Variants in CMIP observed in about 807,000 individuals in gnomAD.
CMIP encodes the protein c-Maf inducing protein.
Under a neutral mutation model 97.3 loss-of-function variants are expected in CMIP, and 13 were observed. The observed-to-expected ratio is 0.13, with a 90% CI of 0.09 to 0.21. The LOEUF (loss-of-function observed/expected upper bound fraction) is 0.21, where lower values mean the gene tolerates loss of function less well. Ranked by LOEUF, CMIP falls within the 10% of genes least tolerant of loss-of-function variation. CMIP has a pLI of 1.00. For missense variants in CMIP, 847 were observed against 1,024.9 expected, an observed-to-expected ratio of 0.83 and a Z score of 2.37; for synonymous variants, 538 against 436.3, an observed-to-expected ratio of 1.23 and a Z score of -2.91.
chr16:81,656,777 A>G (rs2092487339), intron 4 of CMIP, among the ~76,000 whole-genome samples: 1 of 152,158 alleles, frequency 6.6e-6, no homozygotes, highest in Non-Finnish European at 1.5e-5. Flanking sequence ...AGCGAGTACC[A>G]TGCCCAGATA....
chr16:81,524,495 T>C (rs1478981951), intron 1 of CMIP, among the ~76,000 whole-genome samples: 1 of 152,248 alleles, frequency 6.6e-6, no homozygotes, highest in Non-Finnish European at 1.5e-5. Flanking sequence ...CGTGGGGTTA[T>C]CTGGAAGTCT....
chr16:81,558,553 A>T (rs2090814446), intron 1 of CMIP, among the ~76,000 whole-genome samples: 1 of 152,228 alleles, frequency 6.6e-6, no homozygotes, highest in South Asian at 2.1e-4. Context: ...CACCGCAGAG[A>T]TGACCTAGCC....
At chr16:81,650,843 GT>G (rs2092419925) in intron 3 of CMIP, among the ~76,000 whole-genome samples, 1 of 152,146 alleles carries the variant, frequency 6.6e-6, no homozygotes, top group Non-Finnish European at 1.5e-5. Context: ...GAAGGTGAAA[GT>G]TTTCTAGGAA....
rs114850727 is a variant in CMIP at position 81,470,999 on chromosome 16, C to G, written c.300+25458C>G. Among the ~76,000 whole-genome samples, 185 of 151,672 alleles carry G rather than the reference C, an allele frequency of 1.2e-3. 1 individual carries two copies. The highest frequency in any genetic ancestry group is 4.3e-3 in the African/African-American group (179 of 41,408). ...AGGCACAAACGTGCATACACACATG[C>G]ACACAGGCACACATGTGCGCACAAA... On this transcript the variant is annotated intron_variant, in intron 1 of 20. Coordinates refer to ENST00000537098, the MANE Select transcript of CMIP (RefSeq NM_198390.3).
At chr16:81,505,457 AG>A (rs2089691115) in intron 1 of CMIP, among the ~76,000 whole-genome samples, 1 of 152,202 alleles carries the variant, frequency 6.6e-6, no homozygotes, top group Non-Finnish European at 1.5e-5. Flanking sequence ...TTTCAAAGGC[AG>A]CGGGGTCTGT....
At position 81,705,572 on chromosome 16, in the gene CMIP, C is replaced by T. The variant is rs369729267; in HGVS notation, c.2165C>T (p.Pro722Leu). ...CAGGTGCTGAACCTGTGCGAGACCC[C>T]GGTCACAGACGCTGGCCTGCTGGCC... Reference protein sequence around the residue: ...MLQVLNLCETPVTDAGLLALS... With the variant: ...MLQVLNLCETLVTDAGLLALS... Residue 722 changes from proline (P) to leucine (L), a missense_variant, in exon 19 of 21, where the codon CCG becomes CTG. This residue lies in a region of CMIP where 266 missense variants were observed against 384.2 expected (regional missense o/e 0.69). Coordinates refer to ENST00000537098, the MANE Select transcript of CMIP (RefSeq NM_198390.3). The T allele has an allele frequency of 6.2e-7, 1 of 1,607,282 alleles. No individual in the cohort carries two copies.
intron 10 of CMIP, among the ~76,000 whole-genome samples, chr16:81,688,819 C>G (rs1905720162): frequency 6.6e-6 from 1 of 152,156 alleles, no homozygotes; most frequent in African/African-American, 2.4e-5. Flanking sequence ...TCCCCCAACC[C>G]CACAACAGGC....
At chr16:81,516,523 T>C (rs989206564) in intron 1 of CMIP, among the ~76,000 whole-genome samples, 1 of 152,224 alleles carries the variant, frequency 6.6e-6, no homozygotes, top group Non-Finnish European at 1.5e-5. Context: ...TCTCATGCTC[T>C]TGCTCTTGGC....
intron 1 of CMIP, among the ~76,000 whole-genome samples, chr16:81,504,375 G>A (rs183824887): frequency 3.4e-4 from 51 of 152,056 alleles, no homozygotes; most frequent in African/African-American, 1.2e-3. Flanking sequence ...GGGCACCATG[G>A]CTCATGCCTG....
chr16:81,605,110 C>T (rs766576059), intron 1 of CMIP, among the ~76,000 whole-genome samples: 6 of 152,158 alleles, frequency 3.9e-5, no homozygotes, highest in South Asian at 2.1e-4. Context: ...CTGGCTTCTC[C>T]GGCAGTGCTC....
rs369943195 is a variant in CMIP, at chr16:81,696,314, C to T, written c.1531-246C>T. On this transcript the variant is annotated intron_variant, in intron 13 of 20. Coordinates refer to ENST00000537098, the MANE Select transcript of CMIP (RefSeq NM_198390.3). ...GATCAGCCAATCAAGCCGGGGCCTG[C>T]CCTCCCTCCTGTGCAGCTGACAGCC... 9.2e-5 allele frequency: 53 copies of T among 574,362 alleles called. No homozygotes were observed. The African/African-American group carries it at 1.0e-3, about 11-fold the overall frequency. 35.6% of individuals were successfully genotyped at this position (574,362 alleles called of 1,614,324 possible). A position where few individuals can be genotyped will look rare whatever the true frequency, so the allele number is the denominator to read the frequency against.
intron 1 of CMIP, among the ~76,000 whole-genome samples, chr16:81,481,816 A>G (rs527481680): frequency 1.3e-5 from 2 of 151,578 alleles, no homozygotes; most frequent in East Asian, 3.9e-4. Context: ...CCCTCGTGGC[A>G]GCATCACTCC....
chr16:81,598,471 G>T (rs911390236), intron 1 of CMIP, among the ~76,000 whole-genome samples: 3 of 152,308 alleles, frequency 2.0e-5, no homozygotes, highest in Middle Eastern at 3.4e-3. Flanking sequence ...CATCACAGAC[G>T]ATCCTGTAGG....
chr16:81,464,247 G>A (rs1264640432), intron 1 of CMIP: 1 of 152,274 alleles, frequency 6.6e-6, no homozygotes, highest in East Asian at 1.9e-4. Context: ...CTAAGCCAGA[G>A]CTCTTCCTAG....
At chr16:81,565,318 C>T (rs2090959855) in intron 1 of CMIP, among the ~76,000 whole-genome samples, 1 of 152,186 alleles carries the variant, frequency 6.6e-6, no homozygotes. Context: ...AGGAGCCTCT[C>T]TCCCTGTTCC....
Position 81,678,335 on chromosome 16 carries a change from G to A in CMIP, c.1095G>A (p.Arg365=). 2 of 1,611,592 alleles carry A rather than the reference G, an allele frequency of 1.2e-6. No homozygotes were observed. Among genetic ancestry groups the A allele is most frequent in the Non-Finnish European group, 1.7e-6 (2 of 1,178,440 alleles). Residue 365 remains arginine, a synonymous_variant, in exon 10 of 21, where the codon CGG becomes CGA. Coordinates refer to ENST00000537098, the MANE Select transcript of CMIP (RefSeq NM_198390.3). ...ACGGCTGCCAGCAGCCGTGCGACCG[G>A]AAGCCCACTTTACCTCTGCGCCTTC... is the stretch of plus-strand genomic sequence containing the variant. ...IRNGCQQPCD[R]KPTLPLRLLH...
At chr16:81,679,707 G>A (rs940719125) in intron 10 of CMIP, among the ~76,000 whole-genome samples, 3 of 151,942 alleles carry the variant, frequency 2.0e-5, no homozygotes, top group Non-Finnish European at 2.9e-5. Context: ...GTCCCTCCCC[G>A]TCCCTGAACC....
chr16:81,602,031 A>C (rs1178836287), intron 1 of CMIP, among the ~76,000 whole-genome samples: 1 of 152,214 alleles, frequency 6.6e-6, no homozygotes, highest in South Asian at 2.1e-4. Context: ...ATCTGGCCTA[A>C]GGAAATAATC....
intron 1 of CMIP, among the ~76,000 whole-genome samples, chr16:81,483,098 G>T (rs150486645): frequency 1.7e-4 from 26 of 152,220 alleles, no homozygotes; most frequent in Non-Finnish European, 3.2e-4. Flanking sequence ...ACCATCAGAC[G>T]AGGGAGGACA....
Sources: allele counts gnomAD v4.1 joint callset (sites outside exome capture counted in the v4.1 genomes callset), GRCh38; gene constraint gnomAD v4.1.1; regional missense constraint gnomAD v4.1.1; transcripts MANE v1.5; gene names NCBI Gene and HGNC (gene_info 2026-07-23, HGNC 2026-07-21).